SYNPO2: variants seen among roughly 807,000 people sequenced by gnomAD.
SYNPO2 encodes synaptopodin 2.
A neutral mutation model predicts 85.0 loss-of-function variants in SYNPO2; 56 were observed. The ratio of observed to expected loss-of-function variants is 0.66; its 90% CI spans 0.53 to 0.82. The LOEUF is 0.82. Ranked by LOEUF, SYNPO2 falls within the 40% of genes least tolerant of loss-of-function variation. The pLI, the probability that SYNPO2 is intolerant of heterozygous loss-of-function variation, is 0.00. For synonymous variants in SYNPO2, 602 were observed against 591.1 expected, an observed-to-expected ratio of 1.02 and a Z score of -0.27; for missense variants, 1,575 against 1,534.2, an observed-to-expected ratio of 1.03 and a Z score of -0.44.
At chr4:118,957,068 AAAT>A (rs1344421728) in intron 1 of SYNPO2, among the ~76,000 whole-genome samples, 1 of 151,860 alleles carries the variant, frequency 6.6e-6, no homozygotes, top group African/African-American at 2.4e-5. Context: ...AAAATAAAAA[AAAT>A]AAAAAAAAGT....
At chr4:118,913,066 T>A (rs4834719) in intron 1 of SYNPO2, among the ~76,000 whole-genome samples, 124,681 of 152,120 alleles carry the variant, frequency 0.82, 51,381 homozygotes, top group Middle Eastern at 0.93. Flanking sequence ...AGTAAGCATA[T>A]ACTTACTGTT....
At chr4:119,007,165 C>T (rs1370503078) in intron 1 of SYNPO2, among the ~76,000 whole-genome samples, 2 of 143,386 alleles carry the variant, frequency 1.4e-5, no homozygotes, top group East Asian at 2.0e-4. Flanking sequence ...CACGCACACA[C>T]ACACACAAGA....
Position 119,057,650 on chromosome 4 carries a change from G to T in SYNPO2, c.3502G>T (p.Val1168Leu). Residue 1168 changes from valine to leucine, a missense_variant, in exon 5 of 5, where the codon GTG becomes TTG. Transcript: ENST00000307142. ...TGTGGTTTCAGCAGCTCGGAGGAAG[G>T]TGCTTCCAGGGCCTCCAGAGGATTG... The part of the protein sequence containing the change: ...ANVVSAARRK[V>L]LPGPPEDWNE... 6.2e-7 allele frequency: 1 copy of T among 1,614,142 alleles called. No homozygotes were observed. Among genetic ancestry groups the T allele is most frequent in the Non-Finnish European group, 8.5e-7 (1 of 1,180,020 alleles).
At chr4:118,939,222 G>A (rs79032075) in intron 1 of SYNPO2, among the ~76,000 whole-genome samples, 105 of 152,330 alleles carry the variant, frequency 6.9e-4, no homozygotes, top group African/African-American at 2.5e-3. Context: ...ATACACTTTG[G>A]TCCTGTAATA....
intron 1 of SYNPO2, among the ~76,000 whole-genome samples, chr4:118,903,084 G>C (rs1306937372): frequency 1.3e-5 from 2 of 152,132 alleles, no homozygotes; most frequent in African/African-American, 4.8e-5. Flanking sequence ...AAGGTACTAT[G>C]TAACGAAATT....
intron 1 of SYNPO2, among the ~76,000 whole-genome samples, chr4:118,931,770 G>A (rs550293098): frequency 1.7e-4 from 26 of 152,222 alleles, no homozygotes; most frequent in African/African-American, 6.0e-4. Context: ...ATTGAATCAA[G>A]AGCTCTTTGG....
At chr4:118,876,320 G>A (rs755228329) in intron 1 of SYNPO2, among the ~76,000 whole-genome samples, 4 of 152,138 alleles carry the variant, frequency 2.6e-5, no homozygotes, top group African/African-American at 4.8e-5. Flanking sequence ...CTCCTTGTCA[G>A]TTTGTGTCTC....
At chr4:118,943,988 T>C (rs1734413850) in intron 1 of SYNPO2, among the ~76,000 whole-genome samples, 1 of 152,192 alleles carries the variant, frequency 6.6e-6, no homozygotes, top group African/African-American at 2.4e-5. Context: ...ACAACCAAAT[T>C]TCTGTTAAGA....
At chr4:118,968,479 G>A (rs193038278) in intron 1 of SYNPO2, among the ~76,000 whole-genome samples, 160 of 152,294 alleles carry the variant, frequency 1.1e-3, no homozygotes, top group Middle Eastern at 3.4e-3. Context: ...AGTAGGAAAA[G>A]TGAGTGACAG....
chr4:119,035,308 G>A (rs1578666892), intron 4 of SYNPO2: 1 of 985,400 alleles, frequency 1.0e-6, no homozygotes, highest in Non-Finnish European at 1.2e-6. Context: ...AAGGTTCCAT[G>A]GACATGTAAG....
intron 4 of SYNPO2, chr4:119,032,284 C>A: frequency 7.2e-7 from 1 of 1,388,106 alleles, no homozygotes. Flanking sequence ...CAGGAGCACC[C>A]CAAAATAGAC....
intron 1 of SYNPO2, among the ~76,000 whole-genome samples, chr4:118,978,680 G>A (rs1735884235): frequency 6.6e-6 from 1 of 152,048 alleles, no homozygotes; most frequent in Non-Finnish European, 1.5e-5. Context: ...AAATCTCCCT[G>A]CTTCCAGATT....
intron 1 of SYNPO2, among the ~76,000 whole-genome samples, chr4:118,904,542 A>G (rs1732869458): frequency 6.6e-6 from 1 of 152,226 alleles, no homozygotes; most frequent in African/African-American, 2.4e-5. Flanking sequence ...GTCCTTGGTA[A>G]GTAAATATAG....
intron 1 of SYNPO2, among the ~76,000 whole-genome samples, chr4:118,991,688 G>C (rs1736422237): frequency 1.3e-5 from 2 of 152,250 alleles, no homozygotes; most frequent in South Asian, 4.1e-4. Context: ...ATGCCTGAAT[G>C]GTGCTTGGGG....
At chr4:118,912,690 C>G (rs1254013169) in intron 1 of SYNPO2, among the ~76,000 whole-genome samples, 1 of 152,078 alleles carries the variant, frequency 6.6e-6, no homozygotes, top group Admixed American at 6.6e-5. Context: ...CTAGCTAGAA[C>G]AGTACATGCA....
At chr4:118,899,954 G>C (rs1169496731) in intron 1 of SYNPO2, among the ~76,000 whole-genome samples, 2 of 152,086 alleles carry the variant, frequency 1.3e-5, no homozygotes, top group Non-Finnish European at 2.9e-5. Context: ...TAGAGATGAG[G>C]TTTCACCATG....
chr4:118,886,090 C>T (rs1020018502), upstream of SYNPO2, among the ~76,000 whole-genome samples: 9 of 152,088 alleles, frequency 5.9e-5, no homozygotes, highest in African/African-American at 2.2e-4. Flanking sequence ...CTAGAGCTTG[C>T]TGGGCCCAAG....
In SYNPO2 at chr4:119,007,233, T is replaced by TATATATATGTATATAC. The variant is rs1737077371; in HGVS notation, c.106-16189_106-16188insGTATATACATATATAT. On this transcript the variant is annotated intron_variant, in intron 1 of 4. Coordinates refer to ENST00000307142, the MANE Select transcript of SYNPO2 (RefSeq NM_133477.3). ...GAACAAAGGTATATATATATATATA[T>TATATATATGTATATAC]ATATATATATATGTATATACATATA... Among the ~76,000 whole-genome samples, 11 of 42,086 alleles carry TATATATATGTATATAC rather than the reference T, an allele frequency of 2.6e-4. 1 individual carries two copies. Among genetic ancestry groups the TATATATATGTATATAC allele is most frequent in the African/African-American group, 9.9e-4 (10 of 10,152 alleles). The allele number at this position is 42,086 out of a possible 152,430, so 27.6% of individuals were successfully genotyped here. A position where few individuals can be genotyped will look rare whatever the true frequency, so the allele number is the denominator to read the frequency against.
At chr4:119,035,832 A>AAC (rs1286393502) in intron 4 of SYNPO2, 16 of 984,960 alleles carry the variant, frequency 1.6e-5, no homozygotes, top group Non-Finnish European at 1.9e-5. Context: ...AAAAAAAAAA[A>AAC]AAACACCTGA....
Sources: allele counts gnomAD v4.1 joint callset (sites outside exome capture counted in the v4.1 genomes callset), GRCh38; gene constraint gnomAD v4.1.1; transcripts MANE v1.5; gene names NCBI Gene and HGNC (gene_info 2026-07-23, HGNC 2026-07-21).